The following CCDC169 variants were observed in gnomAD, a reference collection of about 807,000 sequenced individuals.
CCDC169 encodes the protein coiled-coil domain-containing protein 169.
CCDC169 carries 30 observed loss-of-function variants against 36.0 expected under a neutral mutation model. That is an observed-to-expected ratio of 0.83 (90% CI 0.62 to 1.13). The LOEUF is 1.13. CCDC169 is among the 50% of genes most tolerant of loss of function. CCDC169 has a pLI of 0.00. For missense variants in CCDC169, 245 were observed against 245.9 expected, an observed-to-expected ratio of 1.00 and a Z score of 0.03; for synonymous variants, 85 against 81.5, an observed-to-expected ratio of 1.04 and a Z score of -0.23.
downstream of CCDC169, among the ~76,000 whole-genome samples, chr13:36,229,469 C>T (rs1296753040): frequency 6.6e-6 from 1 of 151,894 alleles, no homozygotes; most frequent in Non-Finnish European, 1.5e-5. Context: ...TCAATAGTCC[C>T]CACAATAGCT....
In CCDC169 at chr13:36,231,263, G is replaced by C. The variant is rs1484570365; in HGVS notation, c.575C>G (p.Thr192Arg). Residue 192 changes from threonine (T) to arginine (R), a missense_variant, in exon 8 of 8, where the codon ACA becomes AGA. By Grantham distance (71) the Thr-to-Arg change is moderately conservative (BLOSUM62 -1). Transcript: ENST00000239859. ...TGRYNPAKQKTVSAKRGPVKK... is the reference protein window; with the variant it reads ...TGRYNPAKQKRVSAKRGPVKK... ...TACTGGTCCTCTCTTGGCACTCACT[G>C]TCTTCTGCTTAGCTGGATTATATCT... The C allele has an allele frequency of 1.9e-6, 3 of 1,551,254 alleles. No individual in the cohort carries two copies. The highest frequency in any genetic ancestry group is 2.7e-5 in the African/African-American group (2 of 73,012).
At chr13:36,239,828 C>T (rs1161789604) in intron 7 of CCDC169, among the ~76,000 whole-genome samples, 2 of 123,532 alleles carry the variant, frequency 1.6e-5, no homozygotes, top group African/African-American at 5.3e-5. Context: ...CATGGTTTTA[C>T]TTTCCAGTTT....
At chr13:36,246,062 C>G (rs1872470326) in intron 7 of CCDC169, among the ~76,000 whole-genome samples, 2 of 152,198 alleles carry the variant, frequency 1.3e-5, no homozygotes, top group African/African-American at 4.8e-5. Context: ...GCTCTACCAA[C>G]CAGCCATTCC....
intron 4 of CCDC169, among the ~76,000 whole-genome samples, chr13:36,265,938 A>G (rs570282303): frequency 1.3e-5 from 2 of 152,258 alleles, no homozygotes; most frequent in South Asian, 2.1e-4. Flanking sequence ...GTGCTCAATC[A>G]TCCTTGAGAG....
At chr13:36,238,924 A>C (rs1205892528) in intron 7 of CCDC169, among the ~76,000 whole-genome samples, 1 of 152,174 alleles carries the variant, frequency 6.6e-6, no homozygotes, top group Non-Finnish European at 1.5e-5. Context: ...AAAAGAACAT[A>C]TATTAATAAA....
At position 36,236,623 on chromosome 13, in the gene CCDC169, T is replaced by A. The variant is rs192903682; in HGVS notation, c.546-5331A>T. 3.3e-5 allele frequency among the ~76,000 whole-genome samples: 5 copies of A among 152,160 alleles called. No individual in the cohort carries two copies. The East Asian group carries it at 9.7e-4, about 29-fold the overall frequency. On this transcript the variant is annotated intron_variant, in intron 7 of 7. Coordinates refer to ENST00000239859, the MANE Select transcript of CCDC169 (RefSeq NM_001144981.3). ...AAGAAAAAGTAGATGATGGTCTTTA[T>A]CAAAATTGAGAACTTTTGTGTTTCT...
chr13:36,294,360 T>G (rs949132190), intron 2 of CCDC169, among the ~76,000 whole-genome samples: 1 of 152,288 alleles, frequency 6.6e-6, no homozygotes, highest in South Asian at 2.1e-4. Context: ...ACGCAGCTAC[T>G]TGATAAGTAC....
In CCDC169 at chr13:36,254,077, A is replaced by AT. The variant is rs1263166512; in HGVS notation, c.381dup (p.Tyr128IlefsTer5). 6.5e-7 allele frequency: 1 copy of AT among 1,548,658 alleles called. No homozygotes were observed. The highest frequency in any genetic ancestry group is 1.2e-5 in the South Asian group (1 of 83,490). On this transcript the variant is annotated frameshift_variant, in exon 5 of 8. Transcript: ENST00000239859. LOFTEE classifies it high-confidence loss of function. ...TCTTGTTCCAGTTTAAGTGCATAGT[A>AT]TTTCACTTGACTTTCAAGAGTCTTC...
intron 4 of CCDC169, among the ~76,000 whole-genome samples, chr13:36,263,896 A>AG (rs1566075941): frequency 6.6e-6 from 1 of 152,174 alleles, no homozygotes. Flanking sequence ...AGGGATAATC[A>AG]GGGGGTGAGG....
chr13:36,238,392 A>G (rs1389751991), intron 7 of CCDC169, among the ~76,000 whole-genome samples: 1 of 152,188 alleles, frequency 6.6e-6, no homozygotes, highest in Non-Finnish European at 1.5e-5. Context: ...TTGGCCTTCC[A>G]AAGTGCTAAG....
At chr13:36,262,918 G>A (rs1874773274) in intron 4 of CCDC169, among the ~76,000 whole-genome samples, 1 of 152,024 alleles carries the variant, frequency 6.6e-6, no homozygotes, top group African/African-American at 2.4e-5. Flanking sequence ...AAACTCTTTT[G>A]GTATAAAGCA....
chr13:36,264,387 A>C (rs1357966351), intron 4 of CCDC169, among the ~76,000 whole-genome samples: 2 of 152,152 alleles, frequency 1.3e-5, no homozygotes, highest in African/African-American at 2.4e-5. Flanking sequence ...ATGATTATTT[A>C]ATGAGAGTGA....
downstream of CCDC169, among the ~76,000 whole-genome samples, chr13:36,229,072 GT>G (rs1330464062): frequency 6.6e-6 from 1 of 151,912 alleles, no homozygotes; most frequent in African/African-American, 2.4e-5. Flanking sequence ...CTCTATATTA[GT>G]AAAAGCTAAT....
chr13:36,278,550 T>A (rs1877119614), intron 4 of CCDC169, among the ~76,000 whole-genome samples: 1 of 152,162 alleles, frequency 6.6e-6, no homozygotes, highest in Non-Finnish European at 1.5e-5. Flanking sequence ...CAGCAGAATT[T>A]TCTAGAACAT....
At chr13:36,292,662 T>C (rs993214057) in intron 2 of CCDC169, among the ~76,000 whole-genome samples, 3 of 152,158 alleles carry the variant, frequency 2.0e-5, no homozygotes, top group African/African-American at 7.2e-5. Flanking sequence ...TAAAAACTAC[T>C]CTTTTGAAGG....
At chr13:36,253,550 T>C (rs780714526) in intron 6 of CCDC169, among the ~76,000 whole-genome samples, 1 of 152,154 alleles carries the variant, frequency 6.6e-6, no homozygotes, top group Non-Finnish European at 1.5e-5. Flanking sequence ...TTGACCAGGC[T>C]GGTCTCAAAT....
chr13:36,275,274 T>A (rs529455974), intron 4 of CCDC169, among the ~76,000 whole-genome samples: 9 of 152,252 alleles, frequency 5.9e-5, no homozygotes, highest in African/African-American at 2.2e-4. Context: ...GAATACAATG[T>A]AGTTAAGCAC....
At chr13:36,253,954 A>AGTTTTGTAAGC in intron 5 of CCDC169, 91 bp downstream of exon 5, 1 of 792,436 alleles carries the variant, frequency 1.3e-6, no homozygotes, top group Non-Finnish European at 1.9e-6. Flanking sequence ...TGTAGGAAAT[A>AGTTTTGTAAGC]GTTTTGTGTT....
At chr13:36,227,425 G>A (rs199823383), downstream of CCDC169, 12 of 1,447,266 alleles carry the variant, frequency 8.3e-6, no homozygotes, top group Admixed American at 7.5e-5. Context: ...GGACAGCGAA[G>A]GTACAAATAT....
Sources: gnomAD v4.1 joint callset for allele counts (sites outside exome capture counted in the v4.1 genomes callset) on GRCh38, gnomAD v4.1.1 for gene constraint, MANE v1.5 for transcripts, NCBI Gene and HGNC (gene_info 2026-07-23, HGNC 2026-07-21) for gene names.